Variants in CDH13 observed in about 807,000 individuals in gnomAD.
CDH13 encodes cadherin 13, also known as cadherin-13.
Under a neutral mutation model 63.8 loss-of-function variants are expected in CDH13, and 24 were observed. That is an observed-to-expected ratio of 0.38 (90% CI 0.27 to 0.53). CDH13 has a LOEUF of 0.53. Among genes scored for constraint, CDH13 ranks in the 20% least tolerant of loss-of-function variants. The pLI is 0.85. For missense variants in CDH13, 1,049 were observed against 903.1 expected (o/e 1.16, Z -2.07); for synonymous variants, 503 against 355.3 (o/e 1.42, Z -4.67).
chr16:83,632,426 C>T (rs1910866539), intron 8 of CDH13, among the ~76,000 whole-genome samples: 1 of 152,060 alleles, frequency 6.6e-6, no homozygotes, highest in African/African-American at 2.4e-5. Flanking sequence ...CAGCTCCGTG[C>T]ATGACAAGGT....
intron 10 of CDH13, among the ~76,000 whole-genome samples, chr16:83,692,748 G>A (rs1905033213): frequency 6.6e-6 from 1 of 152,162 alleles, no homozygotes; most frequent in Non-Finnish European, 1.5e-5. Context: ...GCAGCTGCAT[G>A]GGAAATGGCA....
chr16:82,802,557 T>G (rs55642658), intron 1 of CDH13, among the ~76,000 whole-genome samples: 3 of 152,072 alleles, frequency 2.0e-5, no homozygotes, highest in African/African-American at 7.2e-5. Context: ...TGCAGAAGCA[T>G]GTGCATGATG....
chr16:83,635,845 G>A (rs992064950), intron 8 of CDH13, among the ~76,000 whole-genome samples: 1 of 152,062 alleles, frequency 6.6e-6, no homozygotes, highest in African/African-American at 2.4e-5. Flanking sequence ...TCTATAGATT[G>A]TGCTTTTGGT....
intron 5 of CDH13, among the ~76,000 whole-genome samples, chr16:83,254,476 A>C (rs1322734396): frequency 6.6e-6 from 1 of 152,156 alleles, no homozygotes; most frequent in Non-Finnish European, 1.5e-5. Flanking sequence ...TTTTTACCTC[A>C]GCCAACAAGG....
chr16:82,774,974 A>G (rs1010316520), intron 1 of CDH13, among the ~76,000 whole-genome samples: 10 of 152,188 alleles, frequency 6.6e-5, no homozygotes, highest in Non-Finnish European at 1.5e-4. Context: ...GATCAGTTCT[A>G]CCTGCAGCCC....
At chr16:83,188,544 G>A (rs35112274) in intron 4 of CDH13, among the ~76,000 whole-genome samples, 9,528 of 152,182 alleles carry the variant, frequency 0.063, 354 homozygotes, top group Non-Finnish European at 0.077. Flanking sequence ...GAGACATTCA[G>A]GGATTTGCTT....
At chr16:83,096,678 G>C (rs1397187792) in intron 3 of CDH13, among the ~76,000 whole-genome samples, 1 of 152,170 alleles carries the variant, frequency 6.6e-6, no homozygotes, top group Non-Finnish European at 1.5e-5. Flanking sequence ...AACTCCCTTG[G>C]ACTGAGTGCA....
chr16:83,252,850 G>C (rs1027605479), intron 5 of CDH13, among the ~76,000 whole-genome samples: 1 of 152,050 alleles, frequency 6.6e-6, no homozygotes, highest in Non-Finnish European at 1.5e-5. Flanking sequence ...TCAAGAATAA[G>C]CGTACAGAGT....
At chr16:83,342,134 C>A (rs1315383207) in intron 5 of CDH13, among the ~76,000 whole-genome samples, 1 of 152,010 alleles carries the variant, frequency 6.6e-6, no homozygotes, top group Non-Finnish European at 1.5e-5. Context: ...TCAAAACGTT[C>A]CTAGTTTGAC....
At position 83,779,986 on chromosome 16, in the gene CDH13, G is replaced by A; in HGVS notation, c.1700G>A (p.Gly567Asp). 1 of 1,610,346 alleles carries A rather than the reference G, an allele frequency of 6.2e-7. No individual in the cohort carries two copies. Among genetic ancestry groups the A allele is most frequent in the Non-Finnish European group, 8.5e-7 (1 of 1,176,810 alleles). The change falls in exon 12 of 14, where the codon GGC becomes GAC. Residue 567 changes from glycine to aspartate, a missense_variant. Gly to Asp is a moderately conservative substitution (Grantham distance 94). Transcript: ENST00000567109. ...AIDSGNPPAT[G>D]TGTLLITLED... Reference sequence around the variant, plus strand: ...CCCACAGGCAACCCTCCCGCTACGGGCACTGGGACTTTGCTGATAACCCTG... The same window carrying A: ...CCCACAGGCAACCCTCCCGCTACGGACACTGGGACTTTGCTGATAACCCTG...
intron 5 of CDH13, among the ~76,000 whole-genome samples, chr16:83,227,776 C>T (rs1178522313): frequency 1.3e-5 from 2 of 152,160 alleles, no homozygotes; most frequent in Non-Finnish European, 2.9e-5. Context: ...CCACGCCAGG[C>T]AGTGCAGACT....
At chr16:83,578,200 G>T (rs577308162) in intron 7 of CDH13, among the ~76,000 whole-genome samples, 1 of 152,114 alleles carries the variant, frequency 6.6e-6, no homozygotes, top group African/African-American at 2.4e-5. Context: ...AAAATATATC[G>T]CTGGCTAGCC....
intron 8 of CDH13, among the ~76,000 whole-genome samples, chr16:83,607,376 C>T (rs1035155591): frequency 2.0e-5 from 3 of 152,046 alleles, no homozygotes; most frequent in Middle Eastern, 3.4e-3. Flanking sequence ...GCTGAGATCA[C>T]ACCAGTGCAC....
Position 83,619,233 on chromosome 16 carries a change from T to A in CDH13, c.1101+16639T>A, listed in dbSNP as rs572194085. Among the ~76,000 whole-genome samples the A allele has an allele frequency of 3.3e-5, 5 of 152,250 alleles. No homozygotes were observed. The East Asian group carries it at 9.7e-4, about 29-fold the overall frequency. ...ATAAGCTAGAGCGCAGGGCAGTGAG[T>A]GAAGTGAACAGGGTCCCTGACCTCA... On this transcript the variant is annotated intron_variant, in intron 8 of 13. Coordinates refer to ENST00000567109, the MANE Select transcript of CDH13 (RefSeq NM_001257.5).
chr16:83,570,423 T>G (rs1904466738), intron 7 of CDH13, among the ~76,000 whole-genome samples: 1 of 152,136 alleles, frequency 6.6e-6, no homozygotes, highest in Admixed American at 6.5e-5. Context: ...CATCTGCCAT[T>G]TAACCCAACC....
chr16:83,103,243 CTTTTT>C (rs35812420), intron 3 of CDH13, among the ~76,000 whole-genome samples: 1 of 91,226 alleles, frequency 1.1e-5, no homozygotes. Context: ...GTTAACTGAA[CTTTTT>C]TTTTTTTTTT....
intron 2 of CDH13, among the ~76,000 whole-genome samples, chr16:83,031,433 A>G (rs1265815036): frequency 6.7e-6 from 1 of 149,878 alleles, no homozygotes; most frequent in Non-Finnish European, 1.5e-5. Context: ...TGGTATATAC[A>G]TGTACATGTA....
intron 1 of CDH13, among the ~76,000 whole-genome samples, chr16:82,804,312 C>CATGCACACACACACACAT (rs58046063): frequency 4.7e-5 from 7 of 148,266 alleles, no homozygotes; most frequent in Non-Finnish European, 8.9e-5. Context: ...CACACACACA[C>CATGCACACACACACACAT]GCACACACAT....
At chr16:83,010,158 A>AAAAAAAAC (rs1555561348) in intron 2 of CDH13, among the ~76,000 whole-genome samples, 1 of 136,728 alleles carries the variant, frequency 7.3e-6, no homozygotes, top group African/African-American at 2.7e-5. Context: ...AAAAAAAAAA[A>AAAAAAAAC]AAAACAAGAA....
Sources: allele counts gnomAD v4.1 joint callset (sites outside exome capture counted in the v4.1 genomes callset), GRCh38; gene constraint gnomAD v4.1.1; transcripts MANE v1.5; gene names NCBI Gene and HGNC (gene_info 2026-07-23, HGNC 2026-07-21).